GPHN: variants seen among roughly 807,000 people sequenced by gnomAD.
The protein encoded by GPHN is gephyrin.
In GPHN, 17 loss-of-function variants were observed where a neutral mutation model predicts 95.5. The observed-to-expected ratio is 0.18, with a 90% CI of 0.12 to 0.27. The LOEUF (loss-of-function observed/expected upper bound fraction) is 0.27, where lower values mean the gene tolerates loss of function less well. Among genes scored for constraint, GPHN ranks in the 10% least tolerant of loss-of-function variants. The pLI is 1.00. For synonymous variants in GPHN, 320 were observed against 322.5 expected (o/e 0.99, Z 0.08); for missense variants, 660 against 978.1 (o/e 0.67, Z 4.34).
chr14:66,831,312 G>C (rs1037155463), intron 4 of GPHN, among the ~76,000 whole-genome samples: 3 of 152,074 alleles, frequency 2.0e-5, no homozygotes, highest in African/African-American at 7.2e-5. Context: ...TAGTCATATT[G>C]AACTAGGATT....
chr14:67,458,641 G>A, the GPHN span, among the ~76,000 whole-genome samples: 4 of 152,266 alleles, frequency 2.6e-5, no homozygotes, highest in East Asian at 7.7e-4. Context: ...GGTAGAACCA[G>A]GTCCTGTTTA....
chr14:67,235,669 C>T, the GPHN span, among the ~76,000 whole-genome samples: 5 of 151,862 alleles, frequency 3.3e-5, no homozygotes, highest in African/African-American at 7.3e-5. Flanking sequence ...GAGTCGAGAT[C>T]GCGCCACTGC....
At chr14:67,441,670 C>T in the GPHN span, among the ~76,000 whole-genome samples, 1 of 152,166 alleles carries the variant, frequency 6.6e-6, no homozygotes, top group African/African-American at 2.4e-5. Context: ...GCAGACTGCC[C>T]TCTCCATGGT....
At chr14:67,482,318 G>C in the GPHN span, among the ~76,000 whole-genome samples, 10 of 152,202 alleles carry the variant, frequency 6.6e-5, no homozygotes, top group Admixed American at 6.5e-4. Context: ...CAGGCTGAAG[G>C]CAAAACCAGA....
intron 1 of GPHN, among the ~76,000 whole-genome samples, chr14:66,616,721 T>C (rs1353749702): frequency 6.6e-6 from 1 of 152,052 alleles, no homozygotes; most frequent in East Asian, 1.9e-4. Flanking sequence ...CCCCTTTTTT[T>C]TTTAGACGGA....
intron 1 of GPHN, among the ~76,000 whole-genome samples, chr14:66,639,614 AT>A (rs57946638): frequency 0.34 from 49,894 of 148,520 alleles, 12,144 homozygotes; most frequent in African/African-American, 0.67. Flanking sequence ...GGTGATGATT[AT>A]TTTTTTTTTT....
intron 1 of GPHN, among the ~76,000 whole-genome samples, chr14:66,584,008 C>A (rs1214736006): frequency 2.0e-5 from 3 of 152,220 alleles, no homozygotes; most frequent in Admixed American, 1.3e-4. Flanking sequence ...CTGATTCTTC[C>A]TACCCATGAG....
the GPHN span, among the ~76,000 whole-genome samples, chr14:67,449,495 G>A: frequency 1.3e-5 from 2 of 152,158 alleles, no homozygotes; most frequent in Non-Finnish European, 2.9e-5. Flanking sequence ...GCAAGGAGGA[G>A]GGAGTCTCCT....
chr14:66,729,368 C>A (rs921915596), intron 2 of GPHN, among the ~76,000 whole-genome samples: 3 of 152,148 alleles, frequency 2.0e-5, no homozygotes, highest in Admixed American at 6.5e-5. Context: ...GGGATGTTCA[C>A]CCTCTGTCTG....
rs193001387 is a variant in GPHN, at chr14:66,750,135, T to C, written c.144-26329T>C. ...TTCTTTCTTCCAAGGATGTTGCCTTTGCTGTCATATCTAAAAAGTTATTAC... is the reference window on the plus strand; with the variant it reads ...TTCTTTCTTCCAAGGATGTTGCCTTCGCTGTCATATCTAAAAAGTTATTAC... On this transcript the variant is annotated intron_variant, in intron 2 of 22. Coordinates refer to ENST00000478722, the MANE Select transcript of GPHN (RefSeq NM_020806.5). Among the ~76,000 whole-genome samples, 635 of 152,056 alleles carry C rather than the reference T, an allele frequency of 4.2e-3. 1 individual carries two copies. The highest frequency in any genetic ancestry group is 7.3e-3 in the Non-Finnish European group (498 of 67,848).
the GPHN span, chr14:67,337,785 T>C: frequency 1.3e-5 from 2 of 152,320 alleles, no homozygotes; most frequent in African/African-American, 4.8e-5. Context: ...CACTTATAAA[T>C]AGTAAAAAGT....
In GPHN at chr14:67,144,250, A is replaced by AAAATAT. The variant is rs1168342196; in HGVS notation, c.1836+802_1836+803insAATATA. ...AGACCCTGTCTTAAAAAAAAAAAAA[A>AAAATAT]ATATATATATATATATATATATATA... On this transcript the variant is annotated intron_variant, in intron 18 of 22. Coordinates refer to ENST00000478722, the MANE Select transcript of GPHN (RefSeq NM_020806.5). Among the ~76,000 whole-genome samples, 52 of 57,752 alleles carry AAAATAT rather than the reference A, an allele frequency of 9.0e-4. 2 individuals carry two copies. The highest frequency in any genetic ancestry group is 1.1e-3 in the Non-Finnish European group (38 of 34,786). The allele number at this position is 57,752 out of a possible 152,430, so 37.9% of individuals were successfully genotyped here. A position where few individuals can be genotyped will look rare whatever the true frequency, so the allele number is the denominator to read the frequency against.
At chr14:66,807,052 G>A (rs1426216164) in intron 3 of GPHN, among the ~76,000 whole-genome samples, 1 of 152,168 alleles carries the variant, frequency 6.6e-6, no homozygotes, top group Non-Finnish European at 1.5e-5. Context: ...ACGTTTATTG[G>A]ACTTACAGTT....
chr14:67,172,667 T>C (rs2082664730), intron 21 of GPHN, among the ~76,000 whole-genome samples: 1 of 152,060 alleles, frequency 6.6e-6, no homozygotes, highest in African/African-American at 2.4e-5. Context: ...CTACTCTCCT[T>C]TCCTGAAGCT....
At chr14:67,003,872 G>A (rs976772544) in intron 9 of GPHN, among the ~76,000 whole-genome samples, 1 of 151,610 alleles carries the variant, frequency 6.6e-6, no homozygotes, top group Non-Finnish European at 1.5e-5. Context: ...CTTTGAGTCA[G>A]CAGAGCAAAG....
rs568107886 is a variant in GPHN at position 67,014,035 on chromosome 14, A to G, written c.964-9598A>G. On this transcript the variant is annotated intron_variant, in intron 9 of 22. Transcript: ENST00000478722. ...TATTTTCTGAAAACTTCCTGTTCAC[A>G]TACTCACCTAAATTAATCTTACTTG... Among the ~76,000 whole-genome samples the G allele has an allele frequency of 2.0e-4, 31 of 152,150 alleles. No homozygotes were observed. The South Asian group carries it at 4.8e-3, about 23-fold the overall frequency.
intron 5 of GPHN, among the ~76,000 whole-genome samples, chr14:66,886,133 T>C (rs1268015111): frequency 1.3e-5 from 2 of 152,146 alleles, no homozygotes; most frequent in Admixed American, 6.5e-5. Flanking sequence ...TCAATAAATA[T>C]ATTTTAAAAA....
At chr14:66,526,659 A>G (rs2058704851) in intron 1 of GPHN, among the ~76,000 whole-genome samples, 1 of 152,034 alleles carries the variant, frequency 6.6e-6, no homozygotes, top group Non-Finnish European at 1.5e-5. Flanking sequence ...TTCCATCAAT[A>G]CCTAGTTTAT....
the GPHN span, among the ~76,000 whole-genome samples, chr14:67,700,778 AC>A: frequency 6.6e-6 from 1 of 151,396 alleles, no homozygotes; most frequent in African/African-American, 2.4e-5. Flanking sequence ...CAATCCCAGC[AC>A]TTCGGGAGGC....
Sources: gnomAD v4.1 joint callset for allele counts (sites outside exome capture counted in the v4.1 genomes callset) on GRCh38, gnomAD v4.1.1 for gene constraint, MANE v1.5 for transcripts, NCBI Gene and HGNC (gene_info 2026-07-23, HGNC 2026-07-21) for gene names.